Variants in CSMD1 observed in about 807,000 individuals in gnomAD.
CSMD1 encodes the protein CUB and Sushi multiple domains 1.
CSMD1 carries 213 observed loss-of-function variants against 417.5 expected under a neutral mutation model. That is an observed-to-expected ratio of 0.51 (90% confidence interval 0.46 to 0.57). CSMD1 has a LOEUF of 0.57. Ranked by LOEUF, CSMD1 falls within the 20% of genes least tolerant of loss-of-function variation. CSMD1 has a pLI of 0.00. For missense variants in CSMD1, 6,923 were observed against 4,529.7 expected (o/e 1.53, Z -15.17); for synonymous variants, 2,862 against 1,736.8 (o/e 1.65, Z -16.11).
At chr8:3,391,099 T>G (rs972998294) in intron 17 of CSMD1, among the ~76,000 whole-genome samples, 3 of 152,340 alleles carry the variant, frequency 2.0e-5, no homozygotes, top group Non-Finnish European at 4.4e-5. Flanking sequence ...TACCTTTGCA[T>G]TGCATCCAGT....
At chr8:3,947,296 C>G (rs34859339) in intron 5 of CSMD1, among the ~76,000 whole-genome samples, 53,597 of 151,832 alleles carry the variant, frequency 0.35, 9,886 homozygotes, top group South Asian at 0.46. Context: ...ATGTATGCAG[C>G]TTTTAATTTC....
At chr8:4,142,533 G>C (rs559829069) in intron 3 of CSMD1, among the ~76,000 whole-genome samples, 3 of 151,302 alleles carry the variant, frequency 2.0e-5, no homozygotes, top group Middle Eastern at 3.4e-3. Flanking sequence ...TCTAAGTTTA[G>C]CAACATGTTC....
intron 2 of CSMD1, among the ~76,000 whole-genome samples, chr8:4,511,186 A>T (rs1049443676): frequency 6.6e-6 from 1 of 152,166 alleles, no homozygotes; most frequent in Non-Finnish European, 1.5e-5. Flanking sequence ...AGCCTGCAAT[A>T]GTCATCAGTC....
At chr8:3,494,304 G>A (rs1796269281) in intron 10 of CSMD1, among the ~76,000 whole-genome samples, 1 of 151,988 alleles carries the variant, frequency 6.6e-6, no homozygotes, top group Non-Finnish European at 1.5e-5. Context: ...TACAACAATG[G>A]TTTATGTTTG....
intron 25 of CSMD1, among the ~76,000 whole-genome samples, chr8:3,302,457 T>C (rs1160875784): frequency 6.6e-6 from 1 of 152,168 alleles, no homozygotes; most frequent in African/African-American, 2.4e-5. Context: ...CTCCTGTAAT[T>C]CCATTTATGT....
chr8:3,091,460 T>A, intron 48 of CSMD1, 56 bp downstream of exon 48: 1 of 1,358,184 alleles, frequency 7.4e-7, no homozygotes, highest in Non-Finnish European at 1.0e-6. Flanking sequence ...TTTTATTCAA[T>A]GAAAATCACC....
intron 32 of CSMD1, among the ~76,000 whole-genome samples, 158 bp downstream of exon 32, chr8:3,201,454 A>G (rs529506545): frequency 2.0e-5 from 3 of 152,216 alleles, no homozygotes; most frequent in African/African-American, 7.2e-5. Flanking sequence ...CACTTTTGAG[A>G]TCTTATATCT....
intron 3 of CSMD1, among the ~76,000 whole-genome samples, chr8:4,038,490 A>G (rs1190376600): frequency 6.6e-6 from 1 of 152,198 alleles, no homozygotes; most frequent in Non-Finnish European, 1.5e-5. Flanking sequence ...TTGAAAGCAA[A>G]TTATTTCAAC....
intron 4 of CSMD1, among the ~76,000 whole-genome samples, chr8:4,001,693 G>T (rs1000498193): frequency 6.6e-6 from 1 of 152,172 alleles, no homozygotes. Context: ...GTTGATGAAT[G>T]AGTGGATCAT....
chr8:3,984,595 A>G lies in CSMD1; in HGVS notation c.818+13308T>C, dbSNP rs566851836. 1.1e-4 allele frequency among the ~76,000 whole-genome samples: 17 copies of G among 151,168 alleles called. 1 individual carries two copies. In the South Asian group the frequency reaches 3.6e-3, roughly 32 times the overall value. The stretch of plus-strand genomic sequence containing the variant: ...CCAAGTACAATATTTGGATTCTTCA[A>G]GTAAGAAAAAATACAGCTAGGGGTT... On this transcript the variant is annotated intron_variant, in intron 5 of 69. Coordinates refer to ENST00000635120, the MANE Select transcript of CSMD1 (RefSeq NM_033225.6).
chr8:4,547,495 C>A (rs1797688488), intron 2 of CSMD1, among the ~76,000 whole-genome samples: 1 of 152,184 alleles, frequency 6.6e-6, no homozygotes, highest in Admixed American at 6.5e-5. Flanking sequence ...TTTCTGGCCT[C>A]TTTTTTTCTA....
chr8:4,644,935 C>A (rs1396294782), intron 1 of CSMD1, among the ~76,000 whole-genome samples: 3 of 151,932 alleles, frequency 2.0e-5, no homozygotes, highest in African/African-American at 4.8e-5. Flanking sequence ...TAGAGGTGGT[C>A]GGACAAATTA....
At chr8:3,298,130 C>G (rs750481949) in intron 25 of CSMD1, among the ~76,000 whole-genome samples, 1 of 152,170 alleles carries the variant, frequency 6.6e-6, no homozygotes, top group Non-Finnish European at 1.5e-5. Flanking sequence ...CTCATATACA[C>G]CCTCTCAGGG....
At chr8:3,495,501 A>G (rs1473710385) in intron 10 of CSMD1, among the ~76,000 whole-genome samples, 1 of 152,216 alleles carries the variant, frequency 6.6e-6, no homozygotes, top group Non-Finnish European at 1.5e-5. Context: ...GTAGACAGAG[A>G]AAGTCTTTGT....
At chr8:3,704,687 C>G (rs1479746000) in intron 7 of CSMD1, 1 of 152,234 alleles carries the variant, frequency 6.6e-6, no homozygotes, top group African/African-American at 2.4e-5. Context: ...CCTTAATTTT[C>G]TTGGTCATGA....
At chr8:3,957,371 G>C (rs928733171) in intron 5 of CSMD1, among the ~76,000 whole-genome samples, 1 of 152,114 alleles carries the variant, frequency 6.6e-6, no homozygotes, top group Non-Finnish European at 1.5e-5. Context: ...ACCAAGGCAG[G>C]TGTTAAGCAT....
chr8:4,100,934 T>C (rs1048478637), intron 3 of CSMD1, among the ~76,000 whole-genome samples: 1 of 152,212 alleles, frequency 6.6e-6, no homozygotes, highest in African/African-American at 2.4e-5. Flanking sequence ...GTGGAAATGC[T>C]AAGAACCCAG....
intron 8 of CSMD1, among the ~76,000 whole-genome samples, chr8:3,587,516 A>T (rs1584926943): frequency 3.3e-5 from 2 of 61,354 alleles, no homozygotes; most frequent in Non-Finnish European, 9.3e-5. Context: ...AAACATAAAT[A>T]GATGCTTTCC....
intron 5 of CSMD1, among the ~76,000 whole-genome samples, chr8:3,920,099 T>C (rs1291154160): frequency 6.6e-6 from 1 of 152,078 alleles, no homozygotes; most frequent in Non-Finnish European, 1.5e-5. Flanking sequence ...AGTGGTGCAA[T>C]CATAGCTCAC....
Sources: allele counts gnomAD v4.1 joint callset (sites outside exome capture counted in the v4.1 genomes callset), GRCh38; gene constraint gnomAD v4.1.1; transcripts MANE v1.5; gene names NCBI Gene and HGNC (gene_info 2026-07-23, HGNC 2026-07-21).